Variants in CLIP1 observed in about 807,000 individuals in gnomAD.
CLIP1 encodes the protein CAP-Gly domain containing linker protein 1.
CLIP1 carries 66 observed loss-of-function variants against 161.6 expected under a neutral mutation model. The ratio of observed to expected loss-of-function variants is 0.41; its 90% CI spans 0.33 to 0.50. The LOEUF is 0.50. CLIP1 is among the 20% of genes least tolerant of loss of function. The probability of loss-of-function intolerance (pLI) is 0.27; values close to 1 mark genes in which losing one functional copy is unlikely to be tolerated. For synonymous variants in CLIP1, 598 were observed against 626.2 expected (o/e 0.96, Z 0.67); for missense variants, 1,376 against 1,702.0 (o/e 0.81, Z 3.37).
intron 5 of CLIP1, among the ~76,000 whole-genome samples, chr12:122,357,286 C>A (rs1250368016): frequency 6.6e-6 from 1 of 151,444 alleles, no homozygotes; most frequent in Non-Finnish European, 1.5e-5. Flanking sequence ...TCTACCTGGC[C>A]GCGACCCTGT....
At chr12:122,352,667 C>T (rs1953097869) in intron 8 of CLIP1, 59 bp downstream of exon 8, 7 of 1,394,944 alleles carry the variant, frequency 5.0e-6, no homozygotes, top group South Asian at 2.3e-5. Context: ...TGCATTATTT[C>T]GCCCGTGTTC....
chr12:122,350,892 T>C (rs1322903049), intron 9 of CLIP1: 5 of 399,206 alleles, frequency 1.3e-5, no homozygotes, highest in Non-Finnish European at 2.2e-5. Flanking sequence ...AACGTTGGCC[T>C]ATTCATTAAA....
At chr12:122,376,994 A>G (rs1954768307) in intron 3 of CLIP1, among the ~76,000 whole-genome samples, 1 of 150,168 alleles carries the variant, frequency 6.7e-6, no homozygotes, top group South Asian at 2.1e-4. Flanking sequence ...GGAGTATCCT[A>G]TGTGTGTATT....
At chr12:122,361,765 A>C (rs913688185) in intron 4 of CLIP1, among the ~76,000 whole-genome samples, 1 of 152,168 alleles carries the variant, frequency 6.6e-6, no homozygotes, top group Non-Finnish European at 1.5e-5. Flanking sequence ...CAAGAGGTCA[A>C]GGCTGAAGTA....
At chr12:122,371,675 C>G (rs1048553189) in intron 3 of CLIP1, among the ~76,000 whole-genome samples, 6 of 152,132 alleles carry the variant, frequency 3.9e-5, no homozygotes, top group African/African-American at 1.4e-4. Flanking sequence ...GCACAGGGCA[C>G]AGGACACAGG....
Position 122,341,026 on chromosome 12 carries a change from T to C in CLIP1, c.2178A>G (p.Val726=), listed in dbSNP as rs772437986. 2 of 1,614,076 alleles carry C rather than the reference T, an allele frequency of 1.2e-6. No individual in the cohort carries two copies. Among genetic ancestry groups the C allele is most frequent in the African/African-American group, 2.7e-5 (2 of 74,944 alleles). Residue 726 remains valine, a synonymous_variant, in exon 11 of 26, where the codon GTA becomes GTG. Coordinates refer to ENST00000620786, the MANE Select transcript of CLIP1 (RefSeq NM_001247997.2). ...ATTTGTTTAACGTGTCTTCCATTTCTACGAGATGCTGGTCTTCTGCTTTGT... is the reference window on the plus strand; with the variant it reads ...ATTTGTTTAACGTGTCTTCCATTTCCACGAGATGCTGGTCTTCTGCTTTGT... ...KLDKAEDQHL[V]EMEDTLNKLQ...
chr12:122,389,231 C>CA (rs1955472994), intron 1 of CLIP1, among the ~76,000 whole-genome samples: 1 of 152,244 alleles, frequency 6.6e-6, no homozygotes, highest in Non-Finnish European at 1.5e-5. Context: ...GTGTAGCTCA[C>CA]AGATTCCACC....
chr12:122,417,432 C>T (rs1956792733), intron 1 of CLIP1, among the ~76,000 whole-genome samples: 1 of 151,952 alleles, frequency 6.6e-6, no homozygotes, highest in African/African-American at 2.4e-5. Context: ...TGCCACTGCA[C>T]TCCAGCCTGG....
intron 20 of CLIP1, among the ~76,000 whole-genome samples, chr12:122,307,033 A>G: frequency 8.9e-6 from 1 of 112,132 alleles, no homozygotes; most frequent in Non-Finnish European, 1.7e-5. Context: ...TTTTTGAGAC[A>G]GAGTCTCACT....
intron 21 of CLIP1, among the ~76,000 whole-genome samples, chr12:122,282,915 G>C (rs1193667562): frequency 1.3e-5 from 2 of 152,158 alleles, no homozygotes. Context: ...GGTAAGTAGC[G>C]CAAGCTCGGA....
At chr12:122,306,271 C>T (rs182462661) in intron 20 of CLIP1, among the ~76,000 whole-genome samples, 1 of 152,086 alleles carries the variant, frequency 6.6e-6, no homozygotes, top group East Asian at 1.9e-4. Context: ...TAATAAACTC[C>T]CCTTGATATC....
intron 20 of CLIP1, among the ~76,000 whole-genome samples, chr12:122,290,469 CT>C (rs1296622623): frequency 1.3e-5 from 2 of 152,078 alleles, no homozygotes; most frequent in Non-Finnish European, 2.9e-5. Context: ...TCATTTTGGT[CT>C]TTATGCCCTT....
intron 9 of CLIP1, among the ~76,000 whole-genome samples, chr12:122,348,433 A>C (rs1952852567): frequency 6.6e-6 from 1 of 152,204 alleles, no homozygotes. Context: ...ACGCAACTCA[A>C]CACAAAGGCA....
intron 5 of CLIP1, among the ~76,000 whole-genome samples, chr12:122,357,178 CATCTA>C (rs1953448937): frequency 6.6e-6 from 1 of 151,712 alleles, no homozygotes; most frequent in East Asian, 2.0e-4. Flanking sequence ...GCCGCCGTCC[CATCTA>C]GGAAGTGAGG....
At chr12:122,288,346 T>C in intron 21 of CLIP1, 143 bp downstream of exon 21, 2 of 686,156 alleles carry the variant, frequency 2.9e-6, no homozygotes, top group South Asian at 2.0e-5. Flanking sequence ...TTTCATATTT[T>C]GTCAGTTACA....
intron 3 of CLIP1, among the ~76,000 whole-genome samples, chr12:122,373,805 C>T (rs1211594788): frequency 6.6e-6 from 1 of 152,104 alleles, no homozygotes; most frequent in East Asian, 1.9e-4. Flanking sequence ...CTACAGTCTA[C>T]AATCTACGAA....
At chr12:122,384,936 ATT>A (rs201805064) in intron 1 of CLIP1, among the ~76,000 whole-genome samples, 15 of 136,714 alleles carry the variant, frequency 1.1e-4, no homozygotes, top group East Asian at 2.2e-4. Context: ...GTTGATGGTA[ATT>A]TTTTTTTTTT....
chr12:122,400,441 C>G (rs371454290), intron 1 of CLIP1: 2 of 152,214 alleles, frequency 1.3e-5, no homozygotes, highest in African/African-American at 4.8e-5. Flanking sequence ...TCATTTCCCA[C>G]GTACTGGCTG....
intron 1 of CLIP1, among the ~76,000 whole-genome samples, chr12:122,384,715 C>T (rs953555032): frequency 2.6e-5 from 4 of 151,198 alleles, no homozygotes; most frequent in Non-Finnish European, 2.9e-5. Context: ...GGGCCGAGAT[C>T]GCGCCACTGC....
Sources: allele counts gnomAD v4.1 joint callset (sites outside exome capture counted in the v4.1 genomes callset), GRCh38; gene constraint gnomAD v4.1.1; transcripts MANE v1.5; gene names NCBI Gene and HGNC (gene_info 2026-07-23, HGNC 2026-07-21).